CACNA2D4: variants seen among roughly 807,000 people sequenced by gnomAD.
The protein encoded by CACNA2D4 is calcium voltage-gated channel auxiliary subunit alpha2delta 4.
In CACNA2D4, 157 loss-of-function variants were observed where a neutral mutation model predicts 163.8. That is an observed-to-expected ratio of 0.96 (90% CI 0.84 to 1.09). CACNA2D4 has a LOEUF of 1.09. Ranked by LOEUF, CACNA2D4 falls within the 50% of genes least tolerant of loss-of-function variation. The probability of loss-of-function intolerance (pLI) is 0.00; values close to 1 mark genes in which losing one functional copy is unlikely to be tolerated. For missense variants in CACNA2D4, 1,410 were observed against 1,479.9 expected (o/e 0.95, Z 0.78); for synonymous variants, 598 against 586.9 (o/e 1.02, Z -0.27).
intron 18 of CACNA2D4, among the ~76,000 whole-genome samples, chr12:1,873,365 G>A (rs1865823242): frequency 6.6e-6 from 1 of 152,168 alleles, no homozygotes; most frequent in South Asian, 2.1e-4. Flanking sequence ...TTGAAAGGAT[G>A]GGCAGAGGTT....
rs78858962 is a variant in CACNA2D4, at chr12:1,875,712, A to G, written c.1720-375T>C. Among the ~76,000 whole-genome samples the G allele has an allele frequency of 6.6e-6, 1 of 152,320 alleles. No individual in the cohort carries two copies. Among genetic ancestry groups the G allele is most frequent in the African/African-American group, 2.4e-5 (1 of 41,562 alleles). ...TTCCTTCTTTCCCCTGGAGCTGCAT[A>G]GAATGTGTTCCACCTGACAGCCCCT... On this transcript the variant is annotated intron_variant, in intron 16 of 37. Coordinates refer to ENST00000382722, the MANE Select transcript of CACNA2D4 (RefSeq NM_172364.5). This position sits in a 1 kb window ranked among gnomAD's most constrained non-coding sequence, Gnocchi z 4.0.
Position 1,817,983 on chromosome 12 carries a change from C to A in CACNA2D4, c.2552-6260G>T, listed in dbSNP as rs1325929918. ...TGAGGAGCCTCTCTGTCTGGCTGCCCAGTCTGGGAAGTGAGGAGCGCCTCT... is the reference window on the plus strand; with the variant it reads ...TGAGGAGCCTCTCTGTCTGGCTGCCAAGTCTGGGAAGTGAGGAGCGCCTCT... On this transcript the variant is annotated intron_variant, in intron 26 of 37. Coordinates refer to ENST00000382722, the MANE Select transcript of CACNA2D4 (RefSeq NM_172364.5). Among the ~76,000 whole-genome samples the A allele has an allele frequency of 5.3e-5, 8 of 151,596 alleles. No homozygotes were observed. The East Asian group carries it at 1.5e-3, about 29-fold the overall frequency.
rs138077877 is a variant in CACNA2D4 at position 1,806,498 on chromosome 12, C to G, written c.2721+3780G>C. 5.7e-4 allele frequency among the ~76,000 whole-genome samples: 87 copies of G among 152,324 alleles called. No homozygotes were observed. Among genetic ancestry groups the G allele is most frequent in the African/African-American group, 2.0e-3 (83 of 41,574 alleles). On this transcript the variant is annotated intron_variant, in intron 29 of 37. Transcript: ENST00000382722. The surrounding 1 kb of genome is among the most constrained non-coding windows in gnomAD (Gnocchi z 4.1). ...CTACGGGGAGGAGGGTGTGCAAGGA[C>G]TTTGTCTGGGAAGAATCTTTGCATC...
At chr12:1,896,960 C>A (rs889112147) in intron 6 of CACNA2D4, among the ~76,000 whole-genome samples, 1 of 151,984 alleles carries the variant, frequency 6.6e-6, no homozygotes, top group South Asian at 2.1e-4. Context: ...AATATTTGGC[C>A]ACCAAAAAAA....
Position 1,884,871 on chromosome 12 carries a change from G to T in CACNA2D4, c.1169C>A (p.Ala390Asp). 6.2e-7 allele frequency: 1 copy of T among 1,613,610 alleles called. No individual in the cohort carries two copies. Residue 390 changes from alanine (A) to aspartate (D), a missense_variant, in exon 11 of 38, where the codon GCC becomes GAC. Ala to Asp is a moderately radical substitution (Grantham distance 126, BLOSUM62 -2). Transcript: ENST00000382722. ...CTGGTTGCAGAGGCTTCCTTGCTTG[G>T]CCTCTTGGAACTGTGTAGGGAAGAG... Reference protein sequence around the residue: ...AFQILKQFQEAKQGSLCNQAI... With the variant: ...AFQILKQFQEDKQGSLCNQAI...
chr12:1,799,872 G>A lies in CACNA2D4; in HGVS notation c.2974+128C>T. On this transcript the variant is annotated intron_variant, in intron 33 of 37. Transcript: ENST00000382722. The surrounding 1 kb of genome is among the most constrained non-coding windows in gnomAD (Gnocchi z 4.7). Reference sequence around the variant, plus strand: ...GATGAGAGAAGGCCACGCAGGGTGAGATGTGAACAACGATGCTTCAGGGTC... The same window carrying A: ...GATGAGAGAAGGCCACGCAGGGTGAAATGTGAACAACGATGCTTCAGGGTC... 3 of 1,260,490 alleles carry A rather than the reference G, an allele frequency of 2.4e-6. No homozygotes were observed. Among genetic ancestry groups the A allele is most frequent in the Non-Finnish European group, 3.4e-6 (3 of 889,504 alleles). 78.1% of individuals were successfully genotyped at this position (1,260,490 alleles called of 1,614,324 possible).
intron 26 of CACNA2D4, among the ~76,000 whole-genome samples, chr12:1,823,675 G>T (rs1864203327): frequency 6.6e-6 from 1 of 152,000 alleles, no homozygotes; most frequent in Non-Finnish European, 1.5e-5. Flanking sequence ...GTAAGATCTT[G>T]GCCTCCCAGG....
chr12:1,795,587 C>G, intron 36 of CACNA2D4, 81 bp downstream of exon 36: 1 of 1,063,178 alleles, frequency 9.4e-7, no homozygotes, highest in Non-Finnish European at 1.4e-6. Flanking sequence ...AGGCTGGCCC[C>G]GCTGCTCAAA....
intron 25 of CACNA2D4, among the ~76,000 whole-genome samples, chr12:1,842,407 G>A (rs992284629): frequency 3.3e-5 from 5 of 152,188 alleles, no homozygotes; most frequent in Admixed American, 2.0e-4. Context: ...GAGGCAGCTC[G>A]TCCTCTTTTC....
Position 1,793,440 on chromosome 12 carries a change from C to G in CACNA2D4, c.*215G>C, listed in dbSNP as rs532188150. The G allele has an allele frequency of 1.1e-5, 7 of 615,618 alleles. No individual in the cohort carries two copies. Among genetic ancestry groups the G allele is most frequent in the African/African-American group, 1.8e-5 (1 of 54,676 alleles). The allele number at this position is 615,618 out of a possible 1,614,324, so 38.1% of individuals were successfully genotyped here. On this transcript the variant is annotated 3_prime_UTR_variant, in exon 38 of 38. Coordinates refer to ENST00000382722, the MANE Select transcript of CACNA2D4 (RefSeq NM_172364.5). ...TGTTGAGACCTAGGGCAGATGGTAC[C>G]GGGCACCATGAAGCATCTTGAAAGT... is the stretch of plus-strand genomic sequence containing the variant.
intron 18 of CACNA2D4, among the ~76,000 whole-genome samples, chr12:1,871,178 T>C (rs757469816): frequency 6.8e-6 from 1 of 147,228 alleles, no homozygotes; most frequent in Non-Finnish European, 1.5e-5. Flanking sequence ...TGTGTGCCTG[T>C]GTACACGTGT....
In CACNA2D4 at chr12:1,792,957, G is replaced by C. The variant is rs935060025; in HGVS notation, c.*698C>G. ...CTTTCCTTTAGGGCTTTGTAAAGAA[G>C]TTTTGGGAAGTTCTTCAATAGCAGC... On this transcript the variant is annotated 3_prime_UTR_variant, in exon 38 of 38. Transcript: ENST00000382722. 1.3e-5 allele frequency: 2 copies of C among 152,202 alleles called. No individual in the cohort carries two copies. Among genetic ancestry groups the C allele is most frequent in the African/African-American group, 2.4e-5 (1 of 41,450 alleles). 9.4% of individuals were successfully genotyped at this position (152,202 alleles called of 1,614,324 possible).
intron 37 of CACNA2D4, chr12:1,794,995 C>T (rs1863069197): frequency 7.4e-6 from 4 of 542,972 alleles, no homozygotes; most frequent in African/African-American, 1.9e-5. Flanking sequence ...GTCTTAGAGG[C>T]ACCTGTGAAG....
At position 1,834,777 on chromosome 12, in the gene CACNA2D4, C is replaced by T. The variant is rs747382509; in HGVS notation, c.2551+5962G>A. On this transcript the variant is annotated intron_variant, in intron 26 of 37. Coordinates refer to ENST00000382722, the MANE Select transcript of CACNA2D4 (RefSeq NM_172364.5). This position sits in a 1 kb window ranked among gnomAD's most constrained non-coding sequence, Gnocchi z 7.6. ...GGCGGGGAGAGCACACGGCATTGCT[C>T]AGCCACAGCTCCCACCTTGACCCGG... is the stretch of plus-strand genomic sequence containing the variant. 1.1e-4 allele frequency: 170 copies of T among 1,522,090 alleles called. No homozygotes were observed. Among genetic ancestry groups the T allele is most frequent in the Non-Finnish European group, 1.3e-4 (146 of 1,138,594 alleles). The allele number at this position is 1,522,090 out of a possible 1,614,324, so 94.3% of individuals were successfully genotyped here.
At chr12:1,841,033 C>G (rs1865012244) in intron 25 of CACNA2D4, among the ~76,000 whole-genome samples, 1 of 152,274 alleles carries the variant, frequency 6.6e-6, no homozygotes, top group Admixed American at 6.5e-5. Context: ...CACATGGCCT[C>G]TGGCCGCCAG....
chr12:1,850,840 C>A (rs887857931), intron 23 of CACNA2D4, among the ~76,000 whole-genome samples: 8 of 150,408 alleles, frequency 5.3e-5, no homozygotes, highest in African/African-American at 1.7e-4. Flanking sequence ...CGAGCTTGTG[C>A]CACTGCACTC....
At chr12:1,810,222 T>G in intron 29 of CACNA2D4, 56 bp downstream of exon 29, 1 of 1,454,984 alleles carries the variant, frequency 6.9e-7, no homozygotes, top group East Asian at 2.3e-5. Flanking sequence ...GGCTGCCCAA[T>G]GTCTCCAGTC....
chr12:1,810,439 T>C, intron 28 of CACNA2D4, 99 bp from the exon 29 acceptor site: 1 of 1,525,616 alleles, frequency 6.6e-7, no homozygotes, highest in East Asian at 2.3e-5. Context: ...GGAGCTTCAC[T>C]GCAGGGAAGG....
At chr12:1,889,989 A>G (rs1866238775) in intron 6 of CACNA2D4, among the ~76,000 whole-genome samples, 2 of 152,166 alleles carry the variant, frequency 1.3e-5, no homozygotes, top group South Asian at 4.1e-4. Context: ...GGAAACACCT[A>G]AAGCAAGGAA....
Sources: gnomAD v4.1 joint callset for allele counts (sites outside exome capture counted in the v4.1 genomes callset) on GRCh38, gnomAD v4.1.1 for gene constraint, Gnocchi (gnomAD v3.1) non-coding constraint, MANE v1.5 for transcripts, NCBI Gene and HGNC (gene_info 2026-07-23, HGNC 2026-07-21) for gene names.